Variants in AFF2 observed in about 807,000 individuals in gnomAD.
The protein encoded by AFF2 is ALF transcription elongation factor 2, also known as AF4/FMR2 family member 2.
Under a neutral mutation model 76.9 loss-of-function variants are expected in AFF2, and 14 were observed. The observed-to-expected ratio is 0.18, with a 90% CI of 0.12 to 0.28. The LOEUF (loss-of-function observed/expected upper bound fraction) is 0.28, where lower values mean the gene tolerates loss of function less well. Ranked by LOEUF, AFF2 falls within the 10% of genes least tolerant of loss-of-function variation. The pLI, the probability that AFF2 is intolerant of heterozygous loss-of-function variation, is 1.00. For missense variants in AFF2, 868 were observed against 1,001.1 expected, an observed-to-expected ratio of 0.87 and a Z score of 1.79; for synonymous variants, 398 against 366.7, an observed-to-expected ratio of 1.09 and a Z score of -0.98.
chrX:148,801,211 T>A (rs2070054107), intron 3 of AFF2, among the ~76,000 whole-genome samples: 1 of 112,085 alleles, frequency 8.9e-6, no homozygotes, highest in Non-Finnish European at 1.9e-5. Flanking sequence ...AATTAATCAG[T>A]GTTGGAAAAA....
chrX:148,914,289 C>CG (rs2071502798), intron 9 of AFF2, among the ~76,000 whole-genome samples: 1 of 109,188 alleles, frequency 9.2e-6, no homozygotes, highest in Non-Finnish European at 1.9e-5. Flanking sequence ...GCAGCTGGGG[C>CG]GGGGGGTGGC....
intron 3 of AFF2, among the ~76,000 whole-genome samples, chrX:148,718,305 C>T (rs2055050672): frequency 9.0e-6 from 1 of 111,416 alleles, no homozygotes; most frequent in Non-Finnish European, 1.9e-5. Context: ...TCTCAGGTCT[C>T]CTCTGACCCC....
intron 1 of AFF2, among the ~76,000 whole-genome samples, chrX:148,528,777 G>A (rs1255013919): frequency 4.5e-5 from 5 of 111,573 alleles, no homozygotes; most frequent in Non-Finnish European, 9.4e-5. Context: ...TATTCAAAAA[G>A]CCATATGAAT....
At chrX:148,899,504 A>T (rs1557280662) in intron 8 of AFF2, among the ~76,000 whole-genome samples, 2 of 111,890 alleles carry the variant, frequency 1.8e-5, no homozygotes, top group African/African-American at 6.5e-5. Flanking sequence ...ATCCAAAACA[A>T]AACAAAGAAA....
chrX:148,748,682 G>A (rs781791027), intron 3 of AFF2, among the ~76,000 whole-genome samples: 1 of 111,490 alleles, frequency 9.0e-6, no homozygotes, highest in Non-Finnish European at 1.9e-5. Flanking sequence ...CCTTGACTGG[G>A]GGGCTCAGAG....
chrX:148,777,722 A>G (rs1211021118), intron 3 of AFF2, among the ~76,000 whole-genome samples: 1 of 112,449 alleles, frequency 8.9e-6, no homozygotes, highest in African/African-American at 3.2e-5. Flanking sequence ...ACTTTGTTGA[A>G]GTTGCTTATC....
chrX:148,595,623 A>T (rs1447450342), intron 1 of AFF2, among the ~76,000 whole-genome samples: 1 of 112,570 alleles, frequency 8.9e-6, no homozygotes, highest in Non-Finnish European at 1.9e-5. Context: ...AGTCATGATG[A>T]TTGACTCCAA....
In AFF2 at chrX:148,590,224, T is replaced by A. The variant is rs187244898; in HGVS notation, c.48-61775T>A. ...GGCTCTCTGAGGAGCTGACAGCCAT[T>A]GGCTGTTAGAAAAAACAAAATATGA... On this transcript the variant is annotated intron_variant, in intron 1 of 20. Transcript: ENST00000370460. 1.3e-3 allele frequency among the ~76,000 whole-genome samples: 144 copies of A among 109,234 alleles called. 2 individuals carry two copies. Among genetic ancestry groups the A allele is most frequent in the African/African-American group, 4.6e-3 (138 of 30,048 alleles). 94.9% of individuals were successfully genotyped at this position (109,234 alleles called of 115,157 possible). A position where few individuals can be genotyped will look rare whatever the true frequency, so the allele number is the denominator to read the frequency against.
chrX:148,740,516 T>C (rs191205606), intron 3 of AFF2, among the ~76,000 whole-genome samples: 55 of 112,146 alleles, frequency 4.9e-4, no homozygotes, highest in Admixed American at 4.3e-3. Flanking sequence ...TGTTTTTTAT[T>C]TAAGCTATCT....
At chrX:148,622,863 A>C (rs2053883103) in intron 1 of AFF2, among the ~76,000 whole-genome samples, 1 of 111,700 alleles carries the variant, frequency 9.0e-6, no homozygotes, top group African/African-American at 3.3e-5. Context: ...CCTTGAACTC[A>C]GCATATTATT....
intron 2 of AFF2, among the ~76,000 whole-genome samples, chrX:148,656,746 C>T (rs1230889091): frequency 1.8e-5 from 2 of 109,811 alleles, no homozygotes; most frequent in African/African-American, 3.3e-5. Context: ...GTGATCCGCC[C>T]GCCTCGGCCT....
intron 1 of AFF2, among the ~76,000 whole-genome samples, chrX:148,529,026 A>G (rs2052697371): frequency 8.9e-6 from 1 of 112,433 alleles, no homozygotes; most frequent in South Asian, 3.7e-4. Flanking sequence ...CATAAAGTTG[A>G]TAATCATAAC....
chrX:148,513,664 A>G (rs2052505964), intron 1 of AFF2, among the ~76,000 whole-genome samples: 1 of 111,905 alleles, frequency 8.9e-6, no homozygotes, highest in South Asian at 3.7e-4. Context: ...AAGGTAAATT[A>G]TAAAATATGG....
At chrX:148,855,425 G>A (rs1373762845) in intron 7 of AFF2, among the ~76,000 whole-genome samples, 23 of 111,158 alleles carry the variant, frequency 2.1e-4, no homozygotes, top group African/African-American at 7.2e-4. Context: ...TGAGTGGAAG[G>A]GGTGGTATCC....
chrX:148,771,477 TG>T (rs2069586877), intron 3 of AFF2, among the ~76,000 whole-genome samples: 1 of 112,331 alleles, frequency 8.9e-6, no homozygotes, highest in Admixed American at 9.4e-5. Flanking sequence ...CATGTGTAAT[TG>T]CAAGAGAATG....
At chrX:148,749,558 G>C (rs1359128713) in intron 3 of AFF2, among the ~76,000 whole-genome samples, 1 of 111,514 alleles carries the variant, frequency 9.0e-6, no homozygotes, top group African/African-American at 3.3e-5. Flanking sequence ...GCCTCATTTG[G>C]ATCAGGCTGG....
chrX:148,619,036 T>C (rs900590010), intron 1 of AFF2, among the ~76,000 whole-genome samples: 2 of 111,397 alleles, frequency 1.8e-5, no homozygotes, highest in African/African-American at 6.5e-5. Context: ...AAAAATGAGA[T>C]AAACATTCTT....
rs956323038 is a variant in AFF2, at chrX:148,698,799, T to G, written c.1041+36031T>G. On this transcript the variant is annotated intron_variant, in intron 3 of 20. Coordinates refer to ENST00000370460, the MANE Select transcript of AFF2 (RefSeq NM_002025.4). The stretch of plus-strand genomic sequence containing the variant: ...TGGGATCTAATCTGAGTTCTAGTGT[T>G]TTTTTTTTTTTTTTTTTTCTGTATT... Among the ~76,000 whole-genome samples the G allele has an allele frequency of 0.018, 181 of 10,290 alleles. 4 individuals are homozygous for G. The East Asian group carries it at 0.48, about 27-fold the overall frequency. The allele number at this position is 10,290 out of a possible 115,157, so 8.9% of individuals were successfully genotyped here.
At chrX:148,925,572 G>T (rs1557283693) in intron 9 of AFF2, among the ~76,000 whole-genome samples, 2 of 112,047 alleles carry the variant, frequency 1.8e-5, no homozygotes, top group East Asian at 5.6e-4. Context: ...GGCTTTCAAA[G>T]AACCTAGGTT....
Sources: gnomAD v4.1 joint callset for allele counts (sites outside exome capture counted in the v4.1 genomes callset) on GRCh38, gnomAD v4.1.1 for gene constraint, MANE v1.5 for transcripts, NCBI Gene and HGNC (gene_info 2026-07-23, HGNC 2026-07-21) for gene names.